TDRD12: variants seen among roughly 807,000 people sequenced by gnomAD.
The protein encoded by TDRD12 is tudor domain containing 12.
Under a neutral mutation model 133.5 loss-of-function variants are expected in TDRD12, and 158 were observed. That is an observed-to-expected ratio of 1.18 (90% confidence interval 1.04 to 1.35). The LOEUF (loss-of-function observed/expected upper bound fraction) is 1.35, where lower values mean the gene tolerates loss of function less well. TDRD12 is among the 40% of genes most tolerant of loss of function. TDRD12 has a pLI of 0.00. For missense variants in TDRD12, 1,443 were observed against 1,321.3 expected (o/e 1.09, Z -1.43); for synonymous variants, 460 against 477.9 (o/e 0.96, Z 0.49).
chr19:32,812,142 G>C (rs2145731649), intron 24 of TDRD12, among the ~76,000 whole-genome samples: 1 of 152,338 alleles, frequency 6.6e-6, no homozygotes. Context: ...GCACAGAAGA[G>C]GGCTCCATGC....
At chr19:32,757,100 G>A (rs1430202718) in exon 8 of TDRD12, 39 of 1,551,540 alleles carry the variant, frequency 2.5e-5, no homozygotes, top group South Asian at 3.6e-5. Flanking sequence ...GGGTATTGTC[G>A]GTGACCTCAG....
intron 2 of TDRD12, among the ~76,000 whole-genome samples, chr19:32,732,681 A>C (rs549056559): frequency 6.6e-6 from 1 of 152,332 alleles, no homozygotes; most frequent in Admixed American, 6.5e-5. Flanking sequence ...GAATTTTTGT[A>C]ATGGTATAAT....
chr19:32,780,861 A>C (rs2145629783), intron 11 of TDRD12, among the ~76,000 whole-genome samples: 1 of 149,798 alleles, frequency 6.7e-6, no homozygotes, highest in Non-Finnish European at 1.5e-5. Context: ...GGCCTCAAGC[A>C]ATCCTCCTGC....
chr19:32,759,403 T>C (rs1448812289), intron 8 of TDRD12, among the ~76,000 whole-genome samples: 2 of 151,644 alleles, frequency 1.3e-5, no homozygotes, highest in Non-Finnish European at 2.9e-5. Flanking sequence ...CTAGCATGTC[T>C]CAGTCTGGGA....
rs561151812 is a variant in TDRD12, at chr19:32,726,626, G to A, written c.25-5099G>A. Reference sequence around the variant, plus strand: ...TGAAGCCCAGTGCAGTGATGTGAACGTGAGGACCCAACTACTTGGGAGGCT... The same window carrying A: ...TGAAGCCCAGTGCAGTGATGTGAACATGAGGACCCAACTACTTGGGAGGCT... On this transcript the variant is annotated intron_variant, in intron 1 of 27. Coordinates refer to ENST00000444215, the Ensembl canonical transcript of TDRD12. Among the ~76,000 whole-genome samples, 19 of 152,144 alleles carry A rather than the reference G, an allele frequency of 1.2e-4. 1 individual carries two copies. In the South Asian group the frequency reaches 3.1e-3, roughly 25 times the overall value.
chr19:32,826,101 CT>C, downstream of TDRD12: 1 of 1,535,668 alleles, frequency 6.5e-7, no homozygotes, highest in African/African-American at 1.4e-5. Flanking sequence ...TGTGCAGAAA[CT>C]TTATCTGGAA....
At chr19:32,821,625 G>T (rs1226906150), downstream of TDRD12, among the ~76,000 whole-genome samples, 1 of 152,150 alleles carries the variant, frequency 6.6e-6, no homozygotes, top group African/African-American at 2.4e-5. Flanking sequence ...TGATCCTTCT[G>T]CCTTGGCCTC....
At chr19:32,805,530 G>A (rs918010855) in intron 21 of TDRD12, among the ~76,000 whole-genome samples, 3 of 152,004 alleles carry the variant, frequency 2.0e-5, no homozygotes, top group Non-Finnish European at 4.4e-5. Context: ...TTTGCCATGA[G>A]CCAGGTGATG....
chr19:32,784,384 C>A (rs549314025), intron 11 of TDRD12, among the ~76,000 whole-genome samples: 8 of 152,072 alleles, frequency 5.3e-5, no homozygotes, highest in Non-Finnish European at 8.8e-5. Flanking sequence ...CTGCTGGATT[C>A]GGTTTGCCAG....
intron 27 of TDRD12, among the ~76,000 whole-genome samples, chr19:32,819,205 T>G (rs1188885533): frequency 6.6e-6 from 1 of 151,774 alleles, no homozygotes; most frequent in Non-Finnish European, 1.5e-5. Context: ...TAGTTCTAGC[T>G]ACTTGGGACA....
At chr19:32,743,194 C>T (rs1022403113) in intron 4 of TDRD12, among the ~76,000 whole-genome samples, 3 of 152,254 alleles carry the variant, frequency 2.0e-5, no homozygotes, top group Non-Finnish European at 4.4e-5. Flanking sequence ...TGTGTACACG[C>T]GCACGCGCGC....
chr19:32,738,091 C>T (rs753332364), intron 2 of TDRD12, among the ~76,000 whole-genome samples: 2 of 151,672 alleles, frequency 1.3e-5, no homozygotes, highest in African/African-American at 2.4e-5. Flanking sequence ...GAGCCAAGGT[C>T]GCACCATCGC....
intron 2 of TDRD12, among the ~76,000 whole-genome samples, chr19:32,734,808 C>T (rs567216687): frequency 5.9e-5 from 9 of 152,270 alleles, no homozygotes; most frequent in African/African-American, 2.2e-4. Flanking sequence ...AGCAGGTCCT[C>T]ACTTCATGTC....
intron 18 of TDRD12, 98 bp from the exon 19 acceptor site, chr19:32,801,658 A>G (rs1487007101): frequency 2.4e-6 from 1 of 413,412 alleles, no homozygotes; most frequent in Non-Finnish European, 4.3e-6. Flanking sequence ...GCCCTCACAG[A>G]TAAATTAAAG....
chr19:32,752,473 C>T (rs1969860482), intron 6 of TDRD12, among the ~76,000 whole-genome samples: 1 of 152,168 alleles, frequency 6.6e-6, no homozygotes, highest in Non-Finnish European at 1.5e-5. Flanking sequence ...AGCCACCGTG[C>T]CTGGCCCCCT....
intron 6 of TDRD12, among the ~76,000 whole-genome samples, chr19:32,753,101 A>G (rs1969885338): frequency 3.9e-5 from 6 of 152,172 alleles, no homozygotes; most frequent in Non-Finnish European, 1.5e-5. Flanking sequence ...CACTGGAATC[A>G]GCCACTTCTT....
At chr19:32,805,920 C>T (rs538802086) in intron 21 of TDRD12, among the ~76,000 whole-genome samples, 9 of 151,696 alleles carry the variant, frequency 5.9e-5, no homozygotes, top group East Asian at 1.9e-4. Flanking sequence ...TTAGTAGAGA[C>T]GGGGTTTCAC....
chr19:32,821,618 T>C (rs1168010063), downstream of TDRD12, among the ~76,000 whole-genome samples: 12 of 152,218 alleles, frequency 7.9e-5, no homozygotes, highest in Non-Finnish European at 2.9e-5. Flanking sequence ...CCTCAAGTGA[T>C]CCTTCTGCCT....
chr19:32,745,158 G>A (rs1022197679), intron 4 of TDRD12, among the ~76,000 whole-genome samples: 6 of 152,292 alleles, frequency 3.9e-5, no homozygotes, highest in South Asian at 2.1e-4. Context: ...CTTTCAGAGC[G>A]GCCCACTGCC....
Sources: gnomAD v4.1 joint callset for allele counts (sites outside exome capture counted in the v4.1 genomes callset) on GRCh38, gnomAD v4.1.1 for gene constraint, MANE v1.5 for transcripts, NCBI Gene and HGNC (gene_info 2026-07-23, HGNC 2026-07-21) for gene names.